The following SLC30A9 variants were observed in gnomAD, a reference collection of about 807,000 sequenced individuals.
SLC30A9 encodes the protein solute carrier family 30 member 9.
A neutral mutation model predicts 87.5 loss-of-function variants in SLC30A9; 58 were observed. The observed-to-expected ratio is 0.66, with a 90% CI of 0.54 to 0.82. The LOEUF (loss-of-function observed/expected upper bound fraction) is 0.82. SLC30A9 is among the 40% of genes least tolerant of loss of function. The pLI, the probability that SLC30A9 is intolerant of heterozygous loss-of-function variation, is 0.00. For synonymous variants in SLC30A9, 234 were observed against 233.0 expected, an observed-to-expected ratio of 1.00 and a Z score of -0.04; for missense variants, 557 against 679.1, an observed-to-expected ratio of 0.82 and a Z score of 2.00.
chr4:41,995,105 A>C (rs147384363), intron 1 of SLC30A9, among the ~76,000 whole-genome samples: 1 of 148,838 alleles, frequency 6.7e-6, no homozygotes, highest in Non-Finnish European at 1.5e-5. Context: ...TAAAAACACA[A>C]AAAAATTAGC....
intron 9 of SLC30A9, among the ~76,000 whole-genome samples, chr4:42,055,464 G>A (rs940070759): frequency 1.3e-5 from 2 of 152,054 alleles, no homozygotes; most frequent in Admixed American, 6.6e-5. Flanking sequence ...TCGGCTTACT[G>A]CAAGCTCCAT....
chr4:42,018,337 CTAATTTTCTAT>C (rs1475457473), intron 3 of SLC30A9, 167 bp downstream of exon 3: 2 of 895,112 alleles, frequency 2.2e-6, no homozygotes, highest in East Asian at 7.1e-5. Flanking sequence ...TACATATAAA[CTAATTTTCTAT>C]TAAATTTATT....
chr4:42,023,402 A>G lies in SLC30A9; in HGVS notation c.610+18A>G. On this transcript the variant is annotated intron_variant, in intron 6 of 17. Coordinates refer to ENST00000264451, the MANE Select transcript of SLC30A9 (RefSeq NM_006345.4). ...CAGAGAAAGTAAGTATATTCAATTT[A>G]AAGTCAAGTTAATTGAAAAATAACT... The G allele has an allele frequency of 6.8e-7, 1 of 1,473,138 alleles. No homozygotes were observed. 91.3% of individuals were successfully genotyped at this position (1,473,138 alleles called of 1,614,324 possible).
chr4:42,075,454 A>G (rs1186725869), intron 15 of SLC30A9, among the ~76,000 whole-genome samples: 2 of 151,728 alleles, frequency 1.3e-5, no homozygotes, highest in Non-Finnish European at 2.9e-5. Context: ...GCACCTTTGT[A>G]TGATATCATG....
Position 42,086,403 on chromosome 4 carries a change from G to T in SLC30A9, c.*277G>T. The T allele has an allele frequency of 3.5e-6, 1 of 288,474 alleles. No homozygotes were observed. Among genetic ancestry groups the T allele is most frequent in the Non-Finnish European group, 6.4e-6 (1 of 156,694 alleles). The allele number at this position is 288,474 out of a possible 1,614,324, so 17.9% of individuals were successfully genotyped here. A position where few individuals can be genotyped will look rare whatever the true frequency, so the allele number is the denominator to read the frequency against. The stretch of plus-strand genomic sequence containing the variant: ...TTTGGTTATTTAAATTGTTCATAAT[G>T]TCCCATATTTCACCTGTTCAGTGTA... On this transcript the variant is annotated 3_prime_UTR_variant, in exon 18 of 18. Transcript: ENST00000264451.
chr4:42,065,310 G>A lies in SLC30A9; in HGVS notation c.1033G>A (p.Ala345Thr). 7.6e-7 allele frequency: 1 copy of A among 1,309,154 alleles called. No individual in the cohort carries two copies. Among genetic ancestry groups the A allele is most frequent in the Non-Finnish European group, 1.1e-6 (1 of 905,690 alleles). 81.1% of individuals were successfully genotyped at this position (1,309,154 alleles called of 1,614,324 possible). A position where few individuals can be genotyped will look rare whatever the true frequency, so the allele number is the denominator to read the frequency against. ...HPQPIESLLW[A>T]YCILAGSLVS... ...CTTTATTTTAATATTTCTTTTCTAG[G>A]CATATTGTATTTTAGCAGGATCATT... The change falls in exon 12 of 18, where the codon GCA (alanine) becomes ACA (threonine). Residue 345 changes from alanine to threonine, a missense_variant and splice_region_variant. Coordinates refer to ENST00000264451, the MANE Select transcript of SLC30A9 (RefSeq NM_006345.4).
intron 15 of SLC30A9, 85 bp downstream of exon 15, chr4:42,070,776 G>A (rs1718283314): frequency 8.8e-7 from 1 of 1,142,612 alleles, no homozygotes. Flanking sequence ...ACTTCCAGAG[G>A]AAGTTTTGGA....
intron 15 of SLC30A9, among the ~76,000 whole-genome samples, chr4:42,075,060 T>TATATATATATA (rs1491178262): frequency 2.9e-4 from 9 of 30,860 alleles, no homozygotes; most frequent in Non-Finnish European, 3.3e-4. Context: ...TATATATATA[T>TATATATATATA]TTTTTTTTTT....
intron 6 of SLC30A9, among the ~76,000 whole-genome samples, chr4:42,031,861 C>T (rs766123975): frequency 1.2e-4 from 18 of 152,140 alleles, no homozygotes; most frequent in South Asian, 4.1e-4. Flanking sequence ...CTCTTGGCCT[C>T]CAAAGCATGA....
rs970005905 is a variant in SLC30A9, at chr4:42,088,531, C to T, written c.*2405C>T. 7 of 152,306 alleles carry T rather than the reference C, an allele frequency of 4.6e-5. No individual in the cohort carries two copies. Among genetic ancestry groups the T allele is most frequent in the Admixed American group, 6.5e-5 (1 of 15,282 alleles). The allele number at this position is 152,306 out of a possible 1,614,324, so 9.4% of individuals were successfully genotyped here. The stretch of plus-strand genomic sequence containing the variant: ...TGAACAGGAAACATAGCAGCTTCTG[C>T]TTCTGGGGAGGCCTCGGGAAACTTC... On this transcript the variant is annotated 3_prime_UTR_variant, in exon 18 of 18. Coordinates refer to ENST00000264451, the MANE Select transcript of SLC30A9 (RefSeq NM_006345.4).
At chr4:42,022,323 G>C (rs892779086) in intron 4 of SLC30A9, among the ~76,000 whole-genome samples, 21 of 148,088 alleles carry the variant, frequency 1.4e-4, no homozygotes, top group Non-Finnish European at 2.4e-4. Flanking sequence ...TGCCTCCCGG[G>C]TTCAAGTGAT....
At chr4:42,025,687 A>G (rs1213658127) in intron 6 of SLC30A9, among the ~76,000 whole-genome samples, 1 of 152,124 alleles carries the variant, frequency 6.6e-6, no homozygotes, top group East Asian at 1.9e-4. Flanking sequence ...ATTTTTCGAG[A>G]CAGAGTCTTG....
intron 9 of SLC30A9, among the ~76,000 whole-genome samples, chr4:42,056,570 AAT>A (rs1438773553): frequency 6.6e-6 from 1 of 152,156 alleles, no homozygotes; most frequent in Admixed American, 6.5e-5. Flanking sequence ...AACATGTGGG[AAT>A]TCAAGATGAG....
chr4:42,045,017 A>T (rs531581837), intron 8 of SLC30A9, among the ~76,000 whole-genome samples: 2 of 152,248 alleles, frequency 1.3e-5, no homozygotes, highest in African/African-American at 4.8e-5. Context: ...CACCAATGAG[A>T]ACAAAGACAC....
At position 42,005,040 on chromosome 4, in the gene SLC30A9, A is replaced by T. The variant is rs74402338; in HGVS notation, c.274+3260A>T. 9.6e-3 allele frequency among the ~76,000 whole-genome samples: 1,463 copies of T among 152,186 alleles called. 26 individuals carry two copies. The highest frequency in any genetic ancestry group is 0.034 in the African/African-American group (1,405 of 41,522). On this transcript the variant is annotated intron_variant, in intron 2 of 17. Transcript: ENST00000264451. ...TATTTTCAGACTTACCTTTTATTAC[A>T]TTAGATACGTTAAACATAGCTATTT...
intron 11 of SLC30A9, among the ~76,000 whole-genome samples, chr4:42,064,632 G>T (rs1166514381): frequency 6.6e-6 from 1 of 152,016 alleles, no homozygotes; most frequent in Non-Finnish European, 1.5e-5. Flanking sequence ...ACTTTATAGG[G>T]GCAAAGCACT....
chr4:42,054,282 C>T (rs1355582303), intron 9 of SLC30A9, among the ~76,000 whole-genome samples: 1 of 151,960 alleles, frequency 6.6e-6, no homozygotes, highest in Non-Finnish European at 1.5e-5. Flanking sequence ...CACTTGAACC[C>T]GGGAGGCAGA....
At chr4:42,032,502 C>T (rs1716491550) in intron 6 of SLC30A9, among the ~76,000 whole-genome samples, 1 of 152,090 alleles carries the variant, frequency 6.6e-6, no homozygotes, top group Admixed American at 6.5e-5. Context: ...TTAGAAATGA[C>T]AATATTTCCT....
rs970630974 is a variant in SLC30A9, at chr4:42,086,575, G to A, written c.*449G>A. On this transcript the variant is annotated 3_prime_UTR_variant, in exon 18 of 18. Coordinates refer to ENST00000264451, the MANE Select transcript of SLC30A9 (RefSeq NM_006345.4). ...CAATATTCTGGCTAAATCTTGGTAT[G>A]TGGTTTTTAAACAGTCACTCCGTTT... 6.5e-6 allele frequency: 1 copy of A among 153,172 alleles called. No individual in the cohort carries two copies. Among genetic ancestry groups the A allele is most frequent in the Non-Finnish European group, 1.5e-5 (1 of 68,422 alleles). 9.5% of individuals were successfully genotyped at this position (153,172 alleles called of 1,614,324 possible).
Sources: allele counts gnomAD v4.1 joint callset (sites outside exome capture counted in the v4.1 genomes callset), GRCh38; gene constraint gnomAD v4.1.1; transcripts MANE v1.5; gene names NCBI Gene and HGNC (gene_info 2026-07-23, HGNC 2026-07-21).